The following RERGL variants were observed in gnomAD, a reference collection of about 807,000 sequenced individuals.
RERGL encodes RERG like.
A neutral mutation model predicts 24.7 loss-of-function variants in RERGL; 22 were observed. The observed-to-expected ratio is 0.89, with a 90% CI of 0.64 to 1.27. RERGL has a LOEUF of 1.27. RERGL is among the 50% of genes most tolerant of loss of function. RERGL has a pLI of 0.00. For missense variants in RERGL, 259 were observed against 235.3 expected (o/e 1.10, Z -0.66); for synonymous variants, 76 against 82.6 (o/e 0.92, Z 0.43).
At chr12:18,088,865 G>A in intron 2 of RERGL, 35 bp downstream of exon 2, 2 of 1,346,728 alleles carry the variant, frequency 1.5e-6, no homozygotes, top group Non-Finnish European at 2.1e-6. Flanking sequence ...GATGTTAAAA[G>A]TTTTAAGGTA....
chr12:18,081,603 T>C, intron 4 of RERGL, 130 bp from the exon 5 acceptor site: 1 of 826,356 alleles, frequency 1.2e-6, no homozygotes, highest in Non-Finnish European at 1.8e-6. Flanking sequence ...GTATGTTACT[T>C]ATGGTCATGT....
Position 18,088,756 on chromosome 12 carries a change from G to C in RERGL, c.109+144C>G, listed in dbSNP as rs1204366042. Reference sequence around the variant, plus strand: ...TTTAATTCAAGTACCTATTTTGGCAGTTCTAATCAGAATATGTGAATAAAT... The same window carrying C: ...TTTAATTCAAGTACCTATTTTGGCACTTCTAATCAGAATATGTGAATAAAT... On this transcript the variant is annotated intron_variant, in intron 2 of 4. Coordinates refer to ENST00000538724, the MANE Select transcript of RERGL (RefSeq NM_001286201.2). 9.1e-6 allele frequency: 6 copies of C among 661,412 alleles called. No homozygotes were observed. The African/African-American group carries it at 1.1e-4, about 12-fold the overall frequency. The allele number at this position is 661,412 out of a possible 1,614,324, so 41.0% of individuals were successfully genotyped here.
rs372165336 is a variant in RERGL, at chr12:18,085,616, T to G, written c.183+4A>C. 2.5e-5 allele frequency: 38 copies of G among 1,530,060 alleles called. No individual in the cohort carries two copies. The African/African-American group carries it at 4.8e-4, about 19-fold the overall frequency. 94.8% of individuals were successfully genotyped at this position (1,530,060 alleles called of 1,614,324 possible). ...CAATAAAAAAGGTGTTTTGTTTTAC[T>G]TACTTGAGAACAAGGGTCATATATT... On this transcript the variant is annotated splice_donor_region_variant and intron_variant, in intron 3 of 4. Transcript: ENST00000538724.
intron 2 of RERGL, among the ~76,000 whole-genome samples, chr12:18,086,908 C>A (rs566286341): frequency 6.6e-6 from 1 of 152,272 alleles, no homozygotes; most frequent in Admixed American, 6.5e-5. Context: ...AAAGGCTGCA[C>A]CTTCTACAAT....
intron 1 of RERGL, 26 bp from the exon 2 acceptor site, chr12:18,088,982 G>C (rs751877975): frequency 1.3e-6 from 2 of 1,581,036 alleles, no homozygotes; most frequent in African/African-American, 2.7e-5. Flanking sequence ...TCTAGATTTA[G>C]GGCTGTTATA....
In RERGL at chr12:18,081,144, T is replaced by C. The variant is rs781622741; in HGVS notation, c.*47A>G. On this transcript the variant is annotated 3_prime_UTR_variant, in exon 5 of 5. Coordinates refer to ENST00000538724, the MANE Select transcript of RERGL (RefSeq NM_001286201.2). Reference sequence around the variant, plus strand: ...AAGGTTAGTTTAATTATCATGTGAATGTTTGAAACTCTCTGATATAGGAAA... The same window carrying C: ...AAGGTTAGTTTAATTATCATGTGAACGTTTGAAACTCTCTGATATAGGAAA... 6.6e-7 allele frequency: 1 copy of C among 1,506,670 alleles called. No homozygotes were observed. The highest frequency in any genetic ancestry group is 1.3e-5 in the South Asian group (1 of 76,768). 93.3% of individuals were successfully genotyped at this position (1,506,670 alleles called of 1,614,324 possible). A position where few individuals can be genotyped will look rare whatever the true frequency, so the allele number is the denominator to read the frequency against.
intron 4 of RERGL, among the ~76,000 whole-genome samples, chr12:18,082,769 A>T (rs575928455): frequency 7.1e-4 from 108 of 152,318 alleles, no homozygotes; most frequent in Non-Finnish European, 5.0e-4. Flanking sequence ...TTGCTCTGCT[A>T]ATATCCATTA....
chr12:18,087,275 C>A (rs1473982137), intron 2 of RERGL, among the ~76,000 whole-genome samples: 2 of 152,150 alleles, frequency 1.3e-5, no homozygotes, highest in Non-Finnish European at 2.9e-5. Context: ...CAATGACTCC[C>A]CATCTCTCAG....
At chr12:18,088,764 CA>C in intron 2 of RERGL, 135 bp downstream of exon 2, 1 of 679,492 alleles carries the variant, frequency 1.5e-6, no homozygotes, top group Non-Finnish European at 2.6e-6. Context: ...CAGTTCTAAT[CA>C]GAATATGTGA....
Position 18,081,141 on chromosome 12 carries a change from G to T in RERGL, c.*50C>A. On this transcript the variant is annotated 3_prime_UTR_variant, in exon 5 of 5. Transcript: ENST00000538724. ...ACAAAGGTTAGTTTAATTATCATGT[G>T]AATGTTTGAAACTCTCTGATATAGG... is the stretch of plus-strand genomic sequence containing the variant. 6.7e-7 allele frequency: 1 copy of T among 1,495,548 alleles called. No homozygotes were observed. Among genetic ancestry groups the T allele is most frequent in the Non-Finnish European group, 9.0e-7 (1 of 1,109,274 alleles). The allele number at this position is 1,495,548 out of a possible 1,614,324, so 92.6% of individuals were successfully genotyped here.
intron 2 of RERGL, among the ~76,000 whole-genome samples, chr12:18,087,957 C>T (rs1205886609): frequency 2.0e-5 from 3 of 152,056 alleles, no homozygotes; most frequent in African/African-American, 7.2e-5. Context: ...ATGTTGAATT[C>T]ATGTAGGGAA....
At chr12:18,083,595 A>T (rs568899288) in intron 4 of RERGL, among the ~76,000 whole-genome samples, 12 of 152,100 alleles carry the variant, frequency 7.9e-5, no homozygotes, top group Non-Finnish European at 1.8e-4. Flanking sequence ...AAAGTGGCTT[A>T]CTTAAGGCAA....
chr12:18,086,024 A>G (rs1241186981), intron 2 of RERGL, among the ~76,000 whole-genome samples: 1 of 125,088 alleles, frequency 8.0e-6, no homozygotes, highest in Non-Finnish European at 1.6e-5. Flanking sequence ...CGCCTGGCCA[A>G]TTTTTTTTTT....
chr12:18,089,457 G>A (rs888848258), intron 1 of RERGL: 2 of 1,027,666 alleles, frequency 1.9e-6, no homozygotes, highest in Non-Finnish European at 2.6e-6. Flanking sequence ...GGTTTGGCCA[G>A]TTAAGATGCT....
At chr12:18,084,772 T>G in intron 3 of RERGL, 107 bp from the exon 4 acceptor site, 1 of 811,092 alleles carries the variant, frequency 1.2e-6, no homozygotes, top group Non-Finnish European at 1.9e-6. Flanking sequence ...GATACATCAA[T>G]GTGTTAAATA....
Position 18,088,967 on chromosome 12 carries a change from A to G in RERGL, c.53-11T>C, listed in dbSNP as rs376792404. 646 of 1,602,096 alleles carry G rather than the reference A, an allele frequency of 4.0e-4. No individual in the cohort carries two copies. The highest frequency in any genetic ancestry group is 7.3e-4 in the Admixed American group (44 of 59,866). On this transcript the variant is annotated splice_polypyrimidine_tract_variant and intron_variant, in intron 1 of 4. Coordinates refer to ENST00000538724, the MANE Select transcript of RERGL (RefSeq NM_001286201.2). ...ACCTCACTGTAAGGGCTGCAAAGCA[A>G]ACAATCTAGATTTAGGGCTGTTATA...
intron 4 of RERGL, among the ~76,000 whole-genome samples, chr12:18,083,881 T>C (rs1565486061): frequency 6.6e-6 from 1 of 152,040 alleles, no homozygotes; most frequent in South Asian, 2.1e-4. Flanking sequence ...GACTGAAAAA[T>C]AGGGAAAACT....
chr12:18,089,070 C>T lies in RERGL; in HGVS notation c.53-114G>A, dbSNP rs949489004. On this transcript the variant is annotated intron_variant, in intron 1 of 4. Coordinates refer to ENST00000538724, the MANE Select transcript of RERGL (RefSeq NM_001286201.2). ...AAAAATATTCAAGAATTAATAAAGA[C>T]TTTAAAATTAGACCAAATTCTGTTC... 4 of 1,161,552 alleles carry T rather than the reference C, an allele frequency of 3.4e-6. No individual in the cohort carries two copies. In the South Asian group the frequency reaches 4.1e-5, roughly 12 times the overall value. The allele number at this position is 1,161,552 out of a possible 1,614,324, so 72.0% of individuals were successfully genotyped here.
chr12:18,080,945 A>G lies in RERGL; in HGVS notation c.*246T>C. ...CAAACTGGGATCGCTGTCCGCCAGT[A>G]GGTTAGGGTGAGTGTGATGTTGTAC... On this transcript the variant is annotated 3_prime_UTR_variant, in exon 5 of 5. Coordinates refer to ENST00000538724, the MANE Select transcript of RERGL (RefSeq NM_001286201.2). 3.3e-6 allele frequency: 1 copy of G among 305,158 alleles called. No homozygotes were observed. The highest frequency in any genetic ancestry group is 5.2e-5 in the East Asian group (1 of 19,134). The allele number at this position is 305,158 out of a possible 1,614,324, so 18.9% of individuals were successfully genotyped here. A position where few individuals can be genotyped will look rare whatever the true frequency, so the allele number is the denominator to read the frequency against.
Sources: gnomAD v4.1 joint callset for allele counts (sites outside exome capture counted in the v4.1 genomes callset) on GRCh38, gnomAD v4.1.1 for gene constraint, MANE v1.5 for transcripts, NCBI Gene and HGNC (gene_info 2026-07-23, HGNC 2026-07-21) for gene names.